Variants in TERT observed in about 807,000 individuals in gnomAD.
TERT encodes telomerase catalytic subunit.
TERT carries 42 observed loss-of-function variants against 104.0 expected under a neutral mutation model. The ratio of observed to expected loss-of-function variants is 0.40; its 90% CI spans 0.32 to 0.52. The LOEUF (loss-of-function observed/expected upper bound fraction) is 0.52. TERT is among the 20% of genes least tolerant of loss of function. The pLI, the probability that TERT is intolerant of heterozygous loss-of-function variation, is 0.43. For synonymous variants in TERT, 781 were observed against 725.6 expected (o/e 1.08, Z -1.23); for missense variants, 1,101 against 1,610.3 (o/e 0.68, Z 5.41).
intron 2 of TERT, among the ~76,000 whole-genome samples, chr5:1,283,175 A>T (rs1339459280): frequency 7.0e-5 from 6 of 85,182 alleles, no homozygotes; most frequent in East Asian, 8.3e-4. Context: ...ACCTCACCCC[A>T]GACCTGCACC....
chr5:1,273,876 G>A (rs1348164926), intron 6 of TERT, among the ~76,000 whole-genome samples: 4 of 152,164 alleles, frequency 2.6e-5, no homozygotes, highest in Non-Finnish European at 4.4e-5. Context: ...TCGAGCTCCC[G>A]GGCCTCTCCA....
intron 6 of TERT, among the ~76,000 whole-genome samples, chr5:1,277,012 G>A (rs768121466): frequency 1.9e-4 from 29 of 152,326 alleles, no homozygotes; most frequent in Non-Finnish European, 3.7e-4. Flanking sequence ...CCTGCAAGCC[G>A]ATGATGGCAG....
intron 10 of TERT, 41 bp from the exon 11 acceptor site, chr5:1,264,633 G>A (rs772879756): frequency 3.1e-5 from 50 of 1,609,040 alleles, no homozygotes; most frequent in South Asian, 7.7e-5. Flanking sequence ...ATGCGGGGCC[G>A]TCACCCAGGA....
Position 1,266,514 on chromosome 5 carries a change from A to G in TERT, c.2604T>C (p.Asp868=), listed in dbSNP as rs1579558147. The change falls in exon 10 of 16, where the codon GAT becomes GAC. Residue 868 remains aspartate (D), a synonymous_variant. Coordinates refer to ENST00000310581, the MANE Select transcript of TERT (RefSeq NM_198253.3). ...RRDGLLLRLV[D]DFLLVTPHLT... is the part of the protein sequence containing the mutation. Reference sequence around the variant, plus strand: ...GGTGAGGTGTCACCAACAAGAAATCATCCACCAAACGCAGGAGCAGCCTAA... The same window carrying G: ...GGTGAGGTGTCACCAACAAGAAATCGTCCACCAAACGCAGGAGCAGCCTAA... 6.2e-7 allele frequency: 1 copy of G among 1,610,652 alleles called. No homozygotes were observed. Among genetic ancestry groups the G allele is most frequent in the Non-Finnish European group, 8.5e-7 (1 of 1,178,444 alleles).
Position 1,290,549 on chromosome 5 carries a change from G to C in TERT, c.1573+2764C>G, listed in dbSNP as rs867959308. 3.3e-3 allele frequency among the ~76,000 whole-genome samples: 209 copies of C among 63,538 alleles called. 7 individuals carry two copies. Among genetic ancestry groups the C allele is most frequent in the South Asian group, 0.018 (44 of 2,422 alleles). The allele number at this position is 63,538 out of a possible 152,430, so 41.7% of individuals were successfully genotyped here. A position where few individuals can be genotyped will look rare whatever the true frequency, so the allele number is the denominator to read the frequency against. On this transcript the variant is annotated intron_variant, in intron 2 of 15. Coordinates refer to ENST00000310581, the MANE Select transcript of TERT (RefSeq NM_198253.3). ...ACCCTGCACGTGACAGGGACACCCG[G>C]GGACGGTGCCTCACTCACCCTACAC...
chr5:1,291,562 G>A (rs56355830), intron 2 of TERT, among the ~76,000 whole-genome samples: 114 of 17,224 alleles, frequency 6.6e-3, no homozygotes, highest in Admixed American at 0.012. Flanking sequence ...CCCGGGGACC[G>A]CGCCTCACTC....
At chr5:1,279,655 C>T (rs1339744107) in intron 4 of TERT, among the ~76,000 whole-genome samples, 185 bp from the exon 5 acceptor site, 1 of 152,204 alleles carries the variant, frequency 6.6e-6, no homozygotes, top group Non-Finnish European at 1.5e-5. Flanking sequence ...ATGTGTGTTG[C>T]ACACGGGATC....
chr5:1,276,222 C>G (rs1283581069), intron 6 of TERT, among the ~76,000 whole-genome samples: 2 of 146,212 alleles, frequency 1.4e-5, no homozygotes, highest in African/African-American at 5.1e-5. Context: ...ACCAATCCCA[C>G]AGATCCCCAC....
chr5:1,280,022 A>AAATGGGTTGG, intron 4 of TERT, 136 bp downstream of exon 4: 1 of 1,204,756 alleles, frequency 8.3e-7, no homozygotes, highest in African/African-American at 1.5e-5. Context: ...CTGTGCGCAC[A>AAATGGGTTGG]AATGGGTTGG....
At chr5:1,271,277 AC>A in intron 7 of TERT, 73 bp from the exon 8 acceptor site, 1 of 1,066,074 alleles carries the variant, frequency 9.4e-7, no homozygotes, top group South Asian at 1.3e-5. Context: ...CGTGGCCAAG[AC>A]CCTCCGTCCC....
At chr5:1,264,916 C>T (rs1177369417) in intron 10 of TERT, among the ~76,000 whole-genome samples, 2 of 152,202 alleles carry the variant, frequency 1.3e-5, no homozygotes, top group African/African-American at 4.8e-5. Context: ...ACCACAATCC[C>T]GTTATAGACT....
rs184018786 is a variant in TERT at position 1,260,127 on chromosome 5, G to A, written c.2970+347C>T. ...GCTGAGGACCTAGCGGGGTGAACAC[G>A]AGGACCCCTCAATACATGTTATGTG... On this transcript the variant is annotated intron_variant, in intron 12 of 15. Transcript: ENST00000310581. 4.1e-4 allele frequency among the ~76,000 whole-genome samples: 62 copies of A among 152,294 alleles called. 1 individual carries two copies. The highest frequency in any genetic ancestry group is 6.8e-3 in the Middle Eastern group (2 of 294).
In TERT at chr5:1,268,538, GCAAA is replaced by G. The variant is rs1748784317; in HGVS notation, c.2560_2563del (p.Phe854ArgfsTer19). On this transcript the variant is annotated frameshift_variant, in exon 9 of 16. Coordinates refer to ENST00000310581, the MANE Select transcript of TERT (RefSeq NM_198253.3). LOFTEE classifies it high-confidence loss of function. The surrounding 1 kb of genome is among the most constrained non-coding windows in gnomAD (Gnocchi z 5.5). ...GCCTCACCCGTCCCGCCGAATCCCC[GCAAA>G]CAGCTTGTTCTCCATGTCGCCGTAG... is the stretch of plus-strand genomic sequence containing the variant. 1 of 1,613,366 alleles carries G rather than the reference GCAAA, an allele frequency of 6.2e-7. No individual in the cohort carries two copies. Among genetic ancestry groups the G allele is most frequent in the Non-Finnish European group, 8.5e-7 (1 of 1,179,982 alleles).
Position 1,270,491 on chromosome 5 carries a change from G to A in TERT, c.2468+628C>T, listed in dbSNP as rs1476190386. Among the ~76,000 whole-genome samples the A allele has an allele frequency of 6.6e-6, 1 of 152,204 alleles. No homozygotes were observed. The highest frequency in any genetic ancestry group is 6.5e-5 in the Admixed American group (1 of 15,288). ...ACTTAAAATCCAGAGGACGTGATGTGGCACCAGGCACTGTGGCTCTACCAC... is the reference window on the plus strand; with the variant it reads ...ACTTAAAATCCAGAGGACGTGATGTAGCACCAGGCACTGTGGCTCTACCAC... On this transcript the variant is annotated intron_variant, in intron 8 of 15. Coordinates refer to ENST00000310581, the MANE Select transcript of TERT (RefSeq NM_198253.3). The surrounding 1 kb of genome is among the most constrained non-coding windows in gnomAD (Gnocchi z 8.3).
intron 2 of TERT, among the ~76,000 whole-genome samples, chr5:1,285,304 G>A (rs540195887): frequency 1.3e-5 from 2 of 152,162 alleles, no homozygotes; most frequent in South Asian, 2.1e-4. Flanking sequence ...AGGGCCTGGC[G>A]ACCTCATCCC....
intron 9 of TERT, among the ~76,000 whole-genome samples, 160 bp from the exon 10 acceptor site, chr5:1,266,695 C>T (rs1422880602): frequency 6.6e-6 from 1 of 152,198 alleles, no homozygotes; most frequent in Non-Finnish European, 1.5e-5. Context: ...AACAGACGAG[C>T]TCTCTACAGT....
intron 2 of TERT, among the ~76,000 whole-genome samples, chr5:1,289,857 G>A (rs373548094): frequency 1.9e-4 from 13 of 67,290 alleles, no homozygotes; most frequent in South Asian, 6.8e-4. Context: ...CACTCACCCT[G>A]CAAGTGACAG....
At chr5:1,282,399 A>T in intron 3 of TERT, 30 bp downstream of exon 3, 1 of 1,611,064 alleles carries the variant, frequency 6.2e-7, no homozygotes, top group Non-Finnish European at 8.5e-7. Flanking sequence ...GGACTTCGAG[A>T]AGCAGAGGCC....
chr5:1,270,979 A>G lies in TERT; in HGVS notation c.2468+140T>C. On this transcript the variant is annotated intron_variant, in intron 8 of 15. Coordinates refer to ENST00000310581, the MANE Select transcript of TERT (RefSeq NM_198253.3). The surrounding 1 kb of genome is among the most constrained non-coding windows in gnomAD (Gnocchi z 8.3). ...CGGGAGCCTGCAGCCCAGGAGCCGG[A>G]GGGGGCGGGGGCCAGAAAAGGAGAC... is the stretch of plus-strand genomic sequence containing the variant. 1 of 682,858 alleles carries G rather than the reference A, an allele frequency of 1.5e-6. No individual in the cohort carries two copies. Among genetic ancestry groups the G allele is most frequent in the Non-Finnish European group, 2.5e-6 (1 of 397,964 alleles). The allele number at this position is 682,858 out of a possible 1,614,324, so 42.3% of individuals were successfully genotyped here.
Sources: gnomAD v4.1 joint callset for allele counts (sites outside exome capture counted in the v4.1 genomes callset) on GRCh38, gnomAD v4.1.1 for gene constraint, Gnocchi (gnomAD v3.1) non-coding constraint, MANE v1.5 for transcripts, NCBI Gene and HGNC (gene_info 2026-07-23, HGNC 2026-07-21) for gene names.